Variants in PTGR1 observed in about 807,000 individuals in gnomAD.
PTGR1 encodes 15-oxoprostaglandin 13-reductase.
PTGR1 carries 23 observed loss-of-function variants against 37.7 expected under a neutral mutation model. The observed-to-expected ratio is 0.61, with a 90% CI of 0.44 to 0.86. The LOEUF (loss-of-function observed/expected upper bound fraction) is 0.86. Ranked by LOEUF, PTGR1 falls within the 40% of genes least tolerant of loss-of-function variation. PTGR1 has a pLI of 0.00. For missense variants in PTGR1, 351 were observed against 394.3 expected (o/e 0.89, Z 0.93); for synonymous variants, 134 against 140.0 (o/e 0.96, Z 0.30).
Position 111,574,858 on chromosome 9 carries a change from A to G in PTGR1, c.652-16T>C. On this transcript the variant is annotated splice_polypyrimidine_tract_variant and intron_variant, in intron 7 of 9. Coordinates refer to ENST00000407693, the MANE Select transcript of PTGR1 (RefSeq NM_001146108.2). ...CTCCACCTACCTAAACAGATAGCAAAGACAAAATGTTAAATAATCTAAATA... is the reference window on the plus strand; with the variant it reads ...CTCCACCTACCTAAACAGATAGCAAGGACAAAATGTTAAATAATCTAAATA... 1 of 1,565,696 alleles carries G rather than the reference A, an allele frequency of 6.4e-7. No homozygotes were observed. Among genetic ancestry groups the G allele is most frequent in the East Asian group, 2.2e-5 (1 of 44,554 alleles).
At chr9:111,586,761 A>G (rs1390855386) in intron 4 of PTGR1, among the ~76,000 whole-genome samples, 2 of 147,108 alleles carry the variant, frequency 1.4e-5, no homozygotes. Context: ...TTCCTTAATC[A>G]TTGTCTGATT....
chr9:111,573,694 G>A (rs988350177), intron 8 of PTGR1, among the ~76,000 whole-genome samples: 1 of 152,106 alleles, frequency 6.6e-6, no homozygotes, highest in African/African-American at 2.4e-5. Flanking sequence ...TGAGTCTGTT[G>A]CCAATAGGAG....
intron 3 of PTGR1, among the ~76,000 whole-genome samples, chr9:111,593,726 TG>T (rs1829690806): frequency 6.6e-6 from 1 of 152,032 alleles, no homozygotes; most frequent in African/African-American, 2.4e-5. Context: ...TGGAGTGCGG[TG>T]GCAAGATCTT....
chr9:111,592,903 C>G (rs1371690308), intron 4 of PTGR1, 23 bp downstream of exon 4: 1 of 1,566,822 alleles, frequency 6.4e-7, no homozygotes. Flanking sequence ...TTTCCAAGCA[C>G]TGGGACAAAT....
chr9:111,573,075 G>A (rs1422822584), intron 8 of PTGR1, among the ~76,000 whole-genome samples: 3 of 152,252 alleles, frequency 2.0e-5, no homozygotes, highest in Non-Finnish European at 2.9e-5. Flanking sequence ...GAACGGACAA[G>A]GCCAGCTGAC....
chr9:111,593,061 G>A (rs1408081742), intron 3 of PTGR1, 79 bp from the exon 4 acceptor site: 39 of 1,496,740 alleles, frequency 2.6e-5, no homozygotes, highest in Non-Finnish European at 3.3e-5. Context: ...TAGGAGCATC[G>A]GGGGACTGTT....
At chr9:111,567,051 A>G (rs1454933064) in intron 9 of PTGR1, among the ~76,000 whole-genome samples, 12 of 150,530 alleles carry the variant, frequency 8.0e-5, no homozygotes, top group Non-Finnish European at 1.5e-4. Flanking sequence ...ACGGCACTGC[A>G]CTCCAGCCTG....
downstream of PTGR1, among the ~76,000 whole-genome samples, chr9:111,561,110 T>TATATATATAGAGAG (rs1457364862): frequency 2.6e-4 from 5 of 19,192 alleles, no homozygotes; most frequent in African/African-American, 3.9e-4. Flanking sequence ...TATATATATA[T>TATATATATAGAGAG]AGAGAGAGAG....
At chr9:111,566,768 GCTGTCTT>G (rs1200441050) in intron 9 of PTGR1, among the ~76,000 whole-genome samples, 1 of 152,156 alleles carries the variant, frequency 6.6e-6, no homozygotes, top group Non-Finnish European at 1.5e-5. Context: ...GTATGAATAT[GCTGTCTT>G]CATGGAGGTT....
downstream of PTGR1, among the ~76,000 whole-genome samples, chr9:111,560,102 T>C (rs12342492): frequency 0.33 from 49,084 of 150,842 alleles, 8,927 homozygotes; most frequent in Non-Finnish European, 0.42. Context: ...TCCCAGCACT[T>C]TGGGAGGCCT....
In PTGR1 at chr9:111,592,677, A is replaced by G. The variant is rs1038220772; in HGVS notation, c.209+249T>C. 6 of 440,394 alleles carry G rather than the reference A, an allele frequency of 1.4e-5. 1 individual carries two copies. The highest frequency in any genetic ancestry group is 4.0e-5 in the Admixed American group (1 of 24,958). The allele number at this position is 440,394 out of a possible 1,614,324, so 27.3% of individuals were successfully genotyped here. A position where few individuals can be genotyped will look rare whatever the true frequency, so the allele number is the denominator to read the frequency against. Reference sequence around the variant, plus strand: ...GCAATAAATCATGACCTGGACAAATACTTTTTTTTTTTTAGTAATTAAAAG... The same window carrying G: ...GCAATAAATCATGACCTGGACAAATGCTTTTTTTTTTTTAGTAATTAAAAG... On this transcript the variant is annotated intron_variant, in intron 4 of 9. Coordinates refer to ENST00000407693, the MANE Select transcript of PTGR1 (RefSeq NM_001146108.2).
In PTGR1 at chr9:111,595,777, G is replaced by A. The variant is rs559766099; in HGVS notation, c.107-1510C>T. On this transcript the variant is annotated intron_variant, in intron 2 of 9. Coordinates refer to ENST00000407693, the MANE Select transcript of PTGR1 (RefSeq NM_001146108.2). ...GCCTCCCAAATAGCTGGGAGTACAG[G>A]TGCTCACCACCACACCCAGCTAATT... 4.6e-5 allele frequency among the ~76,000 whole-genome samples: 7 copies of A among 152,216 alleles called. No individual in the cohort carries two copies. In the East Asian group the frequency reaches 1.4e-3, roughly 29 times the overall value.
intron 4 of PTGR1, chr9:111,592,716 G>A: frequency 1.8e-6 from 1 of 571,128 alleles, no homozygotes; most frequent in South Asian, 5.6e-5. Flanking sequence ...GGATGGCAAA[G>A]TGAAGCTGAA....
intron 2 of PTGR1, 91 bp downstream of exon 2, chr9:111,597,226 A>T (rs1439387667): frequency 2.0e-6 from 2 of 979,288 alleles, no homozygotes; most frequent in African/African-American, 1.6e-5. Context: ...GTTGTTGCTT[A>T]AAGTCACTAA....
chr9:111,573,138 G>C (rs933126107), intron 8 of PTGR1, among the ~76,000 whole-genome samples: 3 of 152,160 alleles, frequency 2.0e-5, no homozygotes, highest in African/African-American at 7.2e-5. Context: ...TTGCTAAAAA[G>C]ACTAGATCGA....
chr9:111,570,598 C>T (rs553247574), intron 8 of PTGR1, among the ~76,000 whole-genome samples: 2 of 151,202 alleles, frequency 1.3e-5, no homozygotes, highest in African/African-American at 2.4e-5. Context: ...GTGAAACCCC[C>T]GTCTCTTCTA....
At chr9:111,566,703 C>G (rs530975332) in intron 9 of PTGR1, among the ~76,000 whole-genome samples, 1 of 152,098 alleles carries the variant, frequency 6.6e-6, no homozygotes, top group Non-Finnish European at 1.5e-5. Flanking sequence ...TTATTCAGTG[C>G]CTACATTGCT....
intron 9 of PTGR1, among the ~76,000 whole-genome samples, chr9:111,551,976 GAGTT>G (rs1827976265): frequency 6.6e-6 from 1 of 151,658 alleles, no homozygotes; most frequent in African/African-American, 2.4e-5. Flanking sequence ...TGAAAAATGT[GAGTT>G]ATTCTGTTTT....
intron 9 of PTGR1, among the ~76,000 whole-genome samples, chr9:111,555,212 A>G (rs1474480323): frequency 6.6e-6 from 1 of 152,084 alleles, no homozygotes; most frequent in Non-Finnish European, 1.5e-5. Context: ...ATCAAGTTCT[A>G]TTTGGCAAAA....
Sources: gnomAD v4.1 joint callset for allele counts (sites outside exome capture counted in the v4.1 genomes callset) on GRCh38, gnomAD v4.1.1 for gene constraint, MANE v1.5 for transcripts, NCBI Gene and HGNC (gene_info 2026-07-23, HGNC 2026-07-21) for gene names.